The following TMEM71 variants were observed in gnomAD, a reference collection of about 807,000 sequenced individuals.
The protein encoded by TMEM71 is transmembrane protein 71.
A neutral mutation model predicts 38.0 loss-of-function variants in TMEM71; 44 were observed. That is an observed-to-expected ratio of 1.16 (90% CI 0.91 to 1.49). TMEM71 has a LOEUF of 1.49. TMEM71 is among the 40% of genes most tolerant of loss of function. TMEM71 has a pLI of 0.00. For synonymous variants in TMEM71, 133 were observed against 122.5 expected (o/e 1.09, Z -0.56); for missense variants, 367 against 348.6 (o/e 1.05, Z -0.42).
chr8:132,735,599 T>C (rs1307360903), intron 5 of TMEM71, among the ~76,000 whole-genome samples: 1 of 152,194 alleles, frequency 6.6e-6, no homozygotes. Flanking sequence ...TTGTTATATT[T>C]AGAGGATATT....
intron 3 of TMEM71, among the ~76,000 whole-genome samples, chr8:132,752,719 G>A (rs1442234706): frequency 6.7e-6 from 1 of 150,054 alleles, no homozygotes; most frequent in Non-Finnish European, 1.5e-5. Context: ...ACTCCAGCCT[G>A]GGCACCATAG....
chr8:132,708,293 T>C (rs1321345800), downstream of TMEM71, among the ~76,000 whole-genome samples: 1 of 152,182 alleles, frequency 6.6e-6, no homozygotes, highest in Non-Finnish European at 1.5e-5. Context: ...CTGTCACAGA[T>C]GGATCTGCAG....
intron 5 of TMEM71, among the ~76,000 whole-genome samples, chr8:132,744,770 C>T (rs1022098746): frequency 1.3e-5 from 2 of 152,162 alleles, no homozygotes; most frequent in African/African-American, 2.4e-5. Flanking sequence ...TACTACCCAA[C>T]TTCAAAATAT....
At chr8:132,775,406 A>AGGCGGC in the TMEM71 span, 1,042 of 382,638 alleles carry the variant, frequency 2.7e-3, 8 homozygotes, top group African/African-American at 0.019. Context: ...CCGGCGGCGG[A>AGGCGGC]GGCGGCGGCG....
In TMEM71 at chr8:132,710,193, G is replaced by A. The variant is rs935879702; in HGVS notation, c.*774C>T. Reference sequence around the variant, plus strand: ...TACAGCCCTTGAGTCAAGGCTCAAGGGTACAACTGCACCATTTTCATGCAT... The same window carrying A: ...TACAGCCCTTGAGTCAAGGCTCAAGAGTACAACTGCACCATTTTCATGCAT... On this transcript the variant is annotated 3_prime_UTR_variant, in exon 10 of 10. Transcript: ENST00000677595. 2.0e-5 allele frequency: 3 copies of A among 152,056 alleles called. No homozygotes were observed. The highest frequency in any genetic ancestry group is 2.9e-5 in the Non-Finnish European group (2 of 68,038). 9.4% of individuals were successfully genotyped at this position (152,056 alleles called of 1,614,324 possible). A position where few individuals can be genotyped will look rare whatever the true frequency, so the allele number is the denominator to read the frequency against.
At chr8:132,743,038 A>G (rs1032387299) in intron 5 of TMEM71, among the ~76,000 whole-genome samples, 1 of 152,144 alleles carries the variant, frequency 6.6e-6, no homozygotes, top group African/African-American at 2.4e-5. Context: ...AGCACAGGAA[A>G]GACCTGCCCC....
chr8:132,726,887 C>T (rs1376869084), intron 6 of TMEM71, among the ~76,000 whole-genome samples: 1 of 149,934 alleles, frequency 6.7e-6, no homozygotes, highest in African/African-American at 2.5e-5. Context: ...ACTCTGTCAC[C>T]CAGGCTGGAA....
chr8:132,758,970 G>T, intron 1 of TMEM71, 55 bp from the exon 2 acceptor site: 1 of 1,100,994 alleles, frequency 9.1e-7, no homozygotes, highest in South Asian at 1.3e-5. Flanking sequence ...GAAAAATTAT[G>T]CCAAAACAGA....
the TMEM71 span, among the ~76,000 whole-genome samples, chr8:132,768,567 T>C: frequency 2.0e-5 from 3 of 152,082 alleles, no homozygotes; most frequent in South Asian, 4.1e-4. Flanking sequence ...GACAACATAG[T>C]TATAAAAAAA....
intron 7 of TMEM71, among the ~76,000 whole-genome samples, chr8:132,720,268 C>G (rs138433157): frequency 6.4e-4 from 97 of 152,274 alleles, no homozygotes; most frequent in African/African-American, 2.3e-3. Context: ...ATGCAGCCCT[C>G]CCTTAAAGGA....
downstream of TMEM71, among the ~76,000 whole-genome samples, chr8:132,709,341 G>A (rs1345074083): frequency 8.5e-5 from 13 of 152,288 alleles, no homozygotes; most frequent in East Asian, 2.5e-3. Flanking sequence ...GCAAAGGCAT[G>A]GGACATATCC....
the TMEM71 span, chr8:132,775,579 C>T: frequency 4.2e-5 from 15 of 353,236 alleles, no homozygotes; most frequent in African/African-American, 8.6e-5. Flanking sequence ...CCCGGGCTGG[C>T]CGCCCTGCTC....
chr8:132,706,586 A>G (rs1028587945), downstream of TMEM71, among the ~76,000 whole-genome samples: 1 of 152,164 alleles, frequency 6.6e-6, no homozygotes, highest in East Asian at 1.9e-4. Context: ...TTTATATATT[A>G]AACATGGTTC....
chr8:132,758,773 A>G, intron 2 of TMEM71, 67 bp downstream of exon 2: 1 of 1,414,142 alleles, frequency 7.1e-7, no homozygotes, highest in East Asian at 2.3e-5. Flanking sequence ...AATCAAAGCA[A>G]GGAAATTGCT....
chr8:132,770,729 T>C, the TMEM71 span, among the ~76,000 whole-genome samples: 2 of 152,124 alleles, frequency 1.3e-5, no homozygotes, highest in African/African-American at 4.8e-5. Context: ...TTTCATAAAA[T>C]TTTCTGTTAC....
At chr8:132,731,307 G>C (rs1481472463) in intron 5 of TMEM71, among the ~76,000 whole-genome samples, 1 of 152,094 alleles carries the variant, frequency 6.6e-6, no homozygotes, top group Admixed American at 6.6e-5. Flanking sequence ...AGTAGGGGGT[G>C]GTAGAAGGGT....
At chr8:132,733,658 G>A (rs1487435119) in intron 5 of TMEM71, among the ~76,000 whole-genome samples, 1 of 152,162 alleles carries the variant, frequency 6.6e-6, no homozygotes, top group Non-Finnish European at 1.5e-5. Flanking sequence ...AATGAAACAC[G>A]CAGATCATCC....
chr8:132,735,112 G>A (rs1334686229), intron 5 of TMEM71, among the ~76,000 whole-genome samples: 2 of 152,168 alleles, frequency 1.3e-5, no homozygotes, highest in Non-Finnish European at 2.9e-5. Context: ...TCCTCCCTGC[G>A]TGAATCCTCT....
intron 5 of TMEM71, among the ~76,000 whole-genome samples, chr8:132,730,825 C>T (rs1827413587): frequency 6.6e-6 from 1 of 151,944 alleles, no homozygotes; most frequent in South Asian, 2.1e-4. Flanking sequence ...AGGAGGGAAA[C>T]AAGGGAGAAT....
Sources: allele counts gnomAD v4.1 joint callset (sites outside exome capture counted in the v4.1 genomes callset), GRCh38; gene constraint gnomAD v4.1.1; transcripts MANE v1.5; gene names NCBI Gene and HGNC (gene_info 2026-07-23, HGNC 2026-07-21).